The following HPS4 variants were observed in gnomAD, a reference collection of about 807,000 sequenced individuals.
HPS4 encodes BLOC-3 complex member HPS4.
A neutral mutation model predicts 70.3 loss-of-function variants in HPS4; 44 were observed. The observed-to-expected ratio is 0.63, with a 90% CI of 0.49 to 0.80. The LOEUF (loss-of-function observed/expected upper bound fraction) is 0.80, where lower values mean the gene tolerates loss of function less well. HPS4 is among the 30% of genes least tolerant of loss of function. HPS4 has a pLI of 0.00. For synonymous variants in HPS4, 377 were observed against 355.9 expected (o/e 1.06, Z -0.67); for missense variants, 873 against 884.4 (o/e 0.99, Z 0.16).
chr22:26,481,930 G>A lies in HPS4; in HGVS notation c.-168C>T. On this transcript the variant is annotated 5_prime_UTR_variant, in exon 2 of 14. Coordinates refer to ENST00000398145, the MANE Select transcript of HPS4 (RefSeq NM_022081.6). ...CACTTGGTTAGTTTTCACTCAGCAT[G>A]GAAAGTTCCACTTCCCTTCCTTGCA... The A allele has an allele frequency of 1.4e-6, 1 of 693,972 alleles. No homozygotes were observed. Among genetic ancestry groups the A allele is most frequent in the African/African-American group, 1.8e-5 (1 of 57,010 alleles). The allele number at this position is 693,972 out of a possible 1,614,324, so 43.0% of individuals were successfully genotyped here. A position where few individuals can be genotyped will look rare whatever the true frequency, so the allele number is the denominator to read the frequency against.
intron 13 of HPS4, among the ~76,000 whole-genome samples, chr22:26,455,569 C>A (rs1601793473): frequency 1.8e-5 from 2 of 112,574 alleles, no homozygotes; most frequent in African/African-American, 7.3e-5. Context: ...ACATCACACA[C>A]TGGGGCCTGT....
At chr22:26,466,037 A>G in intron 9 of HPS4, 189 bp downstream of exon 9, 1 of 1,531,962 alleles carries the variant, frequency 6.5e-7, no homozygotes, top group Non-Finnish European at 8.8e-7. Context: ...GCATGCCTAA[A>G]ATCATAGCTT....
chr22:26,466,477 C>T (rs2088645813), intron 8 of HPS4: 4 of 645,050 alleles, frequency 6.2e-6, no homozygotes, highest in Non-Finnish European at 1.1e-5. Context: ...TGGGCCCACA[C>T]AGGCTGCAAG....
At position 26,452,851 on chromosome 22, in the gene HPS4, T is replaced by G; in HGVS notation, c.*382A>C. On this transcript the variant is annotated 3_prime_UTR_variant, in exon 14 of 14. Coordinates refer to ENST00000398145, the MANE Select transcript of HPS4 (RefSeq NM_022081.6). ...GTGTGGGGGTTGAACACACACACTC[T>G]GGGCTAGTGGACGATCAGGTTCTAG... is the stretch of plus-strand genomic sequence containing the variant. The G allele has an allele frequency of 6.5e-6, 2 of 307,410 alleles. No homozygotes were observed. The highest frequency in any genetic ancestry group is 1.3e-5 in the Non-Finnish European group (2 of 159,114). 19.0% of individuals were successfully genotyped at this position (307,410 alleles called of 1,614,324 possible). A position where few individuals can be genotyped will look rare whatever the true frequency, so the allele number is the denominator to read the frequency against.
intron 13 of HPS4, among the ~76,000 whole-genome samples, chr22:26,454,401 C>G (rs2085716845): frequency 6.6e-6 from 1 of 152,228 alleles, no homozygotes; most frequent in East Asian, 1.9e-4. Context: ...CCAGCTTTTT[C>G]ATCTGTACAG....
At chr22:26,446,164 T>C (rs1247584753), downstream of HPS4, among the ~76,000 whole-genome samples, 1 of 152,186 alleles carries the variant, frequency 6.6e-6, no homozygotes, top group Admixed American at 6.5e-5. Context: ...CAAATGGGAA[T>C]CCTGCCTTCC....
chr22:26,463,306 G>A (rs1161022563), intron 11 of HPS4, among the ~76,000 whole-genome samples: 7 of 152,300 alleles, frequency 4.6e-5, no homozygotes, highest in South Asian at 4.1e-4. Context: ...GATCAGGTAC[G>A]ATGCTGGGGC....
Position 26,481,860 on chromosome 22 carries a change from G to GATTCACTGGAT in HPS4, c.-99_-98insATCCAGTGAAT. ...GACCGTTCCTCTATCCCCCAATCCA[G>GATTCACTGGAT]TGAATCTGGACGTGGTAGGTTTCAG... is the stretch of plus-strand genomic sequence containing the variant. On this transcript the variant is annotated 5_prime_UTR_variant, in exon 2 of 14. Coordinates refer to ENST00000398145, the MANE Select transcript of HPS4 (RefSeq NM_022081.6). 2 of 1,199,100 alleles carry GATTCACTGGAT rather than the reference G, an allele frequency of 1.7e-6. No individual in the cohort carries two copies. Among genetic ancestry groups the GATTCACTGGAT allele is most frequent in the Non-Finnish European group, 2.5e-6 (2 of 803,736 alleles). 74.3% of individuals were successfully genotyped at this position (1,199,100 alleles called of 1,614,324 possible). A position where few individuals can be genotyped will look rare whatever the true frequency, so the allele number is the denominator to read the frequency against.
At chr22:26,473,038 G>T in intron 4 of HPS4, 99 bp from the exon 5 acceptor site, 2 of 986,378 alleles carry the variant, frequency 2.0e-6, no homozygotes, top group Non-Finnish European at 3.2e-6. Context: ...GACTTCACTG[G>T]CCCATCGAAA....
At chr22:26,479,610 A>G in intron 2 of HPS4, 1 of 1,342,694 alleles carries the variant, frequency 7.4e-7, no homozygotes, top group Non-Finnish European at 9.5e-7. Flanking sequence ...GTAGCTAGAA[A>G]AAAAAACGAG....
Position 26,472,828 on chromosome 22 carries a change from G to T in HPS4, c.384+4C>A. On this transcript the variant is annotated splice_donor_region_variant and intron_variant, in intron 5 of 13. Coordinates refer to ENST00000398145, the MANE Select transcript of HPS4 (RefSeq NM_022081.6). The stretch of plus-strand genomic sequence containing the variant: ...TGTAAGACTCCTCAACCCCATACTT[G>T]TACCTCATAAGCTAGGGAAACAGGT... 1 of 1,607,624 alleles carries T rather than the reference G, an allele frequency of 6.2e-7. No individual in the cohort carries two copies. Among genetic ancestry groups the T allele is most frequent in the Non-Finnish European group, 8.5e-7 (1 of 1,174,064 alleles).
Position 26,464,633 on chromosome 22 carries a change from G to C in HPS4, c.997C>G (p.Leu333Val), listed in dbSNP as rs770642869. 1.9e-6 allele frequency: 3 copies of C among 1,613,784 alleles called. No homozygotes were observed. Among genetic ancestry groups the C allele is most frequent in the Non-Finnish European group, 2.5e-6 (3 of 1,179,638 alleles). Residue 333 changes from leucine to valine, a missense_variant, in exon 11 of 14, where the codon CTG becomes GTG. Transcript: ENST00000398145. The stretch of plus-strand genomic sequence containing the variant: ...AGTCCTGCGGGCCTGATGCTCTCCA[G>C]ATCATGGCCAGACAAGCATCCGTTC... ...KENGCLSGHD[L>V]ESIRPAGLHN...
chr22:26,469,272 T>A (rs1023496), intron 7 of HPS4, among the ~76,000 whole-genome samples: 1 of 136,072 alleles, frequency 7.3e-6, no homozygotes, highest in Non-Finnish European at 1.5e-5. Context: ...CATAGTGAGA[T>A]CCCATCTCTA....
At chr22:26,457,645 C>T (rs1054083765) in intron 13 of HPS4, among the ~76,000 whole-genome samples, 20 of 152,332 alleles carry the variant, frequency 1.3e-4, no homozygotes, top group African/African-American at 4.6e-4. Context: ...GGACCCCAAG[C>T]GTCTAAAGTA....
chr22:26,452,336 G>C lies in HPS4; in HGVS notation c.*897C>G. 2.2e-6 allele frequency: 1 copy of C among 456,686 alleles called. No homozygotes were observed. Among genetic ancestry groups the C allele is most frequent in the Non-Finnish European group, 4.4e-6 (1 of 226,970 alleles). The allele number at this position is 456,686 out of a possible 1,614,324, so 28.3% of individuals were successfully genotyped here. On this transcript the variant is annotated 3_prime_UTR_variant, in exon 14 of 14. Coordinates refer to ENST00000398145, the MANE Select transcript of HPS4 (RefSeq NM_022081.6). ...TCTGACTATAACGTAATAGAACTGAGGTTCTAAGTACCACACAAGCCCAGG... is the reference window on the plus strand; with the variant it reads ...TCTGACTATAACGTAATAGAACTGACGTTCTAAGTACCACACAAGCCCAGG...
chr22:26,455,739 A>C (rs895809168), intron 13 of HPS4, among the ~76,000 whole-genome samples: 1 of 151,318 alleles, frequency 6.6e-6, no homozygotes, highest in African/African-American at 2.4e-5. Context: ...AATAATAATA[A>C]AATTAAAAAA....
intron 11 of HPS4, among the ~76,000 whole-genome samples, chr22:26,461,347 AAGG>A (rs2087227583): frequency 6.6e-6 from 1 of 152,310 alleles, no homozygotes; most frequent in African/African-American, 2.4e-5. Flanking sequence ...TTTGAAGGTC[AAGG>A]AGATTATCTT....
At chr22:26,458,327 G>A (rs1021484684) in intron 12 of HPS4, 118 bp downstream of exon 12, 30 of 1,291,674 alleles carry the variant, frequency 2.3e-5, no homozygotes, top group African/African-American at 2.9e-5. Context: ...AGCCCTGAAC[G>A]CAGGTCAGAC....
rs1449880848 is a variant in HPS4, at chr22:26,464,539, T to G, written c.1091A>C (p.Gln364Pro). 4 of 1,614,206 alleles carry G rather than the reference T, an allele frequency of 2.5e-6. No homozygotes were observed. The Admixed American group carries it at 5.0e-5, about 20-fold the overall frequency. The stretch of plus-strand genomic sequence containing the variant: ...GATTTCAGACAAGTCGAGTTCTTCT[T>G]GGAGAAAGACTAGTTCCTTCCCCAG... ...SSLGKELVFL[Q>P]EELDLSEIHI... The change falls in exon 11 of 14, where the codon CAA becomes CCA. Residue 364 changes from glutamine (Q) to proline (P), a missense_variant. Gln to Pro is a moderately conservative substitution (Grantham distance 76). Coordinates refer to ENST00000398145, the MANE Select transcript of HPS4 (RefSeq NM_022081.6).
Sources: gnomAD v4.1 joint callset for allele counts (sites outside exome capture counted in the v4.1 genomes callset) on GRCh38, gnomAD v4.1.1 for gene constraint, MANE v1.5 for transcripts, NCBI Gene and HGNC (gene_info 2026-07-23, HGNC 2026-07-21) for gene names.